The following TMEM117 variants were observed in gnomAD, a reference collection of about 807,000 sequenced individuals.
The protein encoded by TMEM117 is transmembrane protein 117.
TMEM117 carries 27 observed loss-of-function variants against 52.4 expected under a neutral mutation model. That is an observed-to-expected ratio of 0.51 (90% CI 0.38 to 0.71). TMEM117 has a LOEUF of 0.71. Among genes scored for constraint, TMEM117 ranks in the 30% least tolerant of loss-of-function variants. The probability of loss-of-function intolerance (pLI) is 0.00; values close to 1 mark genes in which losing one functional copy is unlikely to be tolerated. For missense variants in TMEM117, 556 were observed against 630.5 expected (o/e 0.88, Z 1.26); for synonymous variants, 215 against 206.3 (o/e 1.04, Z -0.36).
At chr12:44,227,375 G>A (rs916704035) in intron 5 of TMEM117, among the ~76,000 whole-genome samples, 1 of 152,084 alleles carries the variant, frequency 6.6e-6, no homozygotes, top group Non-Finnish European at 1.5e-5. Context: ...GAGGTGAGCA[G>A]ATCACTTGAG....
chr12:44,058,754 G>A lies in TMEM117; in HGVS notation c.411-84771G>A, dbSNP rs556829549. On this transcript the variant is annotated intron_variant, in intron 3 of 7. Coordinates refer to ENST00000266534, the MANE Select transcript of TMEM117 (RefSeq NM_032256.3). ...ATAGACTCATGGATTTTGCTATTAC[G>A]TTTTGTCTTCAGTTTCTTTTTTTGT... 6.6e-5 allele frequency among the ~76,000 whole-genome samples: 10 copies of A among 152,190 alleles called. No individual in the cohort carries two copies. The East Asian group carries it at 1.4e-3, about 21-fold the overall frequency.
chr12:44,269,788 GCA>G lies in TMEM117; in HGVS notation c.609-29789_609-29788del, dbSNP rs200585353. ...AACAGATACTTATGTTTCTATATCA[GCA>G]CATATGCTTCTTATCACTTAATACT... On this transcript the variant is annotated intron_variant, in intron 5 of 7. Transcript: ENST00000266534. Among the ~76,000 whole-genome samples, 363 of 152,110 alleles carry G rather than the reference GCA, an allele frequency of 2.4e-3. 12 individuals carry two copies. In the East Asian group the frequency reaches 0.035, roughly 14 times the overall value.
At chr12:44,160,183 T>G (rs918074941) in intron 4 of TMEM117, among the ~76,000 whole-genome samples, 1 of 152,174 alleles carries the variant, frequency 6.6e-6, no homozygotes, top group African/African-American at 2.4e-5. Context: ...TAAGCTGCGT[T>G]AGCCCTTTTA....
rs766566930 is a variant in TMEM117 at position 44,272,037 on chromosome 12, C to T, written c.609-27543C>T. On this transcript the variant is annotated intron_variant, in intron 5 of 7. Transcript: ENST00000266534. ...AATGCAAATAAAAACCTTGAGCTAT[C>T]ACCTCATACTCGTTAGAGTGGCTGC... 6.6e-5 allele frequency among the ~76,000 whole-genome samples: 10 copies of T among 151,988 alleles called. 1 individual carries two copies. Among genetic ancestry groups the T allele is most frequent in the Non-Finnish European group, 1.3e-4 (9 of 67,950 alleles).
At chr12:44,279,301 C>T (rs187038971) in intron 5 of TMEM117, among the ~76,000 whole-genome samples, 127 of 152,196 alleles carry the variant, frequency 8.3e-4, no homozygotes, top group Admixed American at 1.8e-3. Context: ...CCTTTGCCTC[C>T]GATGTTTGGG....
At chr12:44,145,486 A>G (rs78957575) in intron 4 of TMEM117, among the ~76,000 whole-genome samples, 1,533 of 152,338 alleles carry the variant, frequency 0.01, 10 homozygotes, top group African/African-American at 0.016. Context: ...CCTGTGTTAC[A>G]TATTTTCTGT....
intron 3 of TMEM117, among the ~76,000 whole-genome samples, chr12:44,088,496 A>G (rs1947610345): frequency 6.6e-6 from 1 of 152,334 alleles, no homozygotes; most frequent in Middle Eastern, 3.4e-3. Context: ...AAAAATTTCC[A>G]TAAAACAAGG....
intron 3 of TMEM117, among the ~76,000 whole-genome samples, chr12:44,132,936 T>G (rs925379775): frequency 3.3e-5 from 5 of 152,172 alleles, no homozygotes; most frequent in African/African-American, 1.2e-4. Context: ...CACAGTGTAT[T>G]TTACTCGTGG....
the TMEM117 span, chr12:43,804,612 C>A: frequency 1.5e-6 from 2 of 1,355,038 alleles, no homozygotes; most frequent in Non-Finnish European, 2.1e-6. Context: ...TTTATACTTA[C>A]ATATAAATAC....
At chr12:43,905,528 T>C (rs1944372258) in intron 2 of TMEM117, among the ~76,000 whole-genome samples, 1 of 152,174 alleles carries the variant, frequency 6.6e-6, no homozygotes, top group Non-Finnish European at 1.5e-5. Context: ...TATTTATTTA[T>C]TTATTTGCAT....
chr12:44,131,287 A>T (rs1264258739), intron 3 of TMEM117, among the ~76,000 whole-genome samples: 2 of 152,090 alleles, frequency 1.3e-5, no homozygotes, highest in African/African-American at 4.8e-5. Flanking sequence ...GTTTCCAATG[A>T]TCTGGGAGTT....
chr12:44,195,703 G>T (rs1592597220), intron 4 of TMEM117, among the ~76,000 whole-genome samples: 1 of 151,966 alleles, frequency 6.6e-6, no homozygotes, highest in Admixed American at 6.6e-5. Context: ...ACTACCTAAT[G>T]AACATGTAAC....
intron 3 of TMEM117, among the ~76,000 whole-genome samples, chr12:44,005,433 A>T (rs752653577): frequency 4.6e-4 from 70 of 152,244 alleles, no homozygotes; most frequent in Non-Finnish European, 8.4e-4. Flanking sequence ...ACAGATAGTC[A>T]CATTGGCTAA....
intron 3 of TMEM117, among the ~76,000 whole-genome samples, chr12:43,965,904 C>G (rs969289139): frequency 2.6e-5 from 4 of 152,154 alleles, no homozygotes; most frequent in African/African-American, 9.7e-5. Flanking sequence ...CCCACTCCAT[C>G]TCTCCACCTG....
intron 6 of TMEM117, among the ~76,000 whole-genome samples, chr12:44,338,104 A>G (rs968521839): frequency 3.3e-5 from 5 of 151,812 alleles, no homozygotes; most frequent in African/African-American, 7.3e-5. Flanking sequence ...TTAAAGCAGA[A>G]TATTTTTAAA....
At chr12:44,325,024 A>G (rs1951177640) in intron 6 of TMEM117, among the ~76,000 whole-genome samples, 1 of 152,194 alleles carries the variant, frequency 6.6e-6, no homozygotes, top group Non-Finnish European at 1.5e-5. Context: ...TAAGAGTAAA[A>G]AGGCAACCAT....
intron 5 of TMEM117, among the ~76,000 whole-genome samples, chr12:44,219,986 A>G (rs538030977): frequency 9.2e-5 from 14 of 152,324 alleles, no homozygotes; most frequent in Middle Eastern, 6.8e-3. Context: ...GTAACATCCT[A>G]AGAAAATGTT....
chr12:44,084,586 T>A (rs1432978959), intron 3 of TMEM117, among the ~76,000 whole-genome samples: 1 of 152,190 alleles, frequency 6.6e-6, no homozygotes, highest in South Asian at 2.1e-4. Flanking sequence ...CTCATCTGTA[T>A]CAGAAAAGGT....
At chr12:43,872,460 C>T (rs1943723461) in intron 2 of TMEM117, among the ~76,000 whole-genome samples, 1 of 152,184 alleles carries the variant, frequency 6.6e-6, no homozygotes, top group South Asian at 2.1e-4. Context: ...TAAGAAATAA[C>T]TTTTCTGTAA....
Sources: allele counts gnomAD v4.1 joint callset (sites outside exome capture counted in the v4.1 genomes callset), GRCh38; gene constraint gnomAD v4.1.1; transcripts MANE v1.5; gene names NCBI Gene and HGNC (gene_info 2026-07-23, HGNC 2026-07-21).